The following REV3L variants were observed in gnomAD, a reference collection of about 807,000 sequenced individuals.
The protein encoded by REV3L is DNA polymerase zeta catalytic subunit.
REV3L carries 69 observed loss-of-function variants against 299.4 expected under a neutral mutation model. That is an observed-to-expected ratio of 0.23 (90% CI 0.19 to 0.28). The LOEUF is 0.28. REV3L is among the 10% of genes least tolerant of loss of function. The pLI, the probability that REV3L is intolerant of heterozygous loss-of-function variation, is 1.00. For missense variants in REV3L, 3,128 were observed against 3,693.8 expected (o/e 0.85, Z 3.97); for synonymous variants, 1,238 against 1,271.4 (o/e 0.97, Z 0.56).
At chr6:111,363,517 C>T (rs1778910031) in intron 16 of REV3L, among the ~76,000 whole-genome samples, 1 of 151,884 alleles carries the variant, frequency 6.6e-6, no homozygotes, top group African/African-American at 2.4e-5. Flanking sequence ...CCTATGTAGC[C>T]CAGGATAGTC....
At chr6:111,339,891 T>A (rs1213801801) in intron 21 of REV3L, among the ~76,000 whole-genome samples, 2 of 152,202 alleles carry the variant, frequency 1.3e-5, no homozygotes, top group South Asian at 2.1e-4. Context: ...GTTAGTTTTT[T>A]AAATTGTTGT....
intron 31 of REV3L, among the ~76,000 whole-genome samples, chr6:111,303,360 ATTTT>A (rs1771834459): frequency 7.2e-6 from 1 of 139,442 alleles, no homozygotes; most frequent in African/African-American, 2.6e-5. Context: ...AATTTTTATT[ATTTT>A]ATTTTTAATT....
Position 111,380,197 on chromosome 6 carries a change from A to G in REV3L, c.1239T>C (p.Ala413=). Residue 413 remains alanine, a synonymous_variant, in exon 11 of 32, where the codon GCT becomes GCC. Coordinates refer to ENST00000368802, the MANE Select transcript of REV3L (RefSeq NM_001372078.1). ...PVFMDSSPDE[A]LVHLLAGLES... ...CCAAACCAGCAAGAAGATGTACCAG[A>G]GCCTCATCAGGACTACTGTCCACTA... is the stretch of plus-strand genomic sequence containing the variant. 4 of 1,613,374 alleles carry G rather than the reference A, an allele frequency of 2.5e-6. No homozygotes were observed. The highest frequency in any genetic ancestry group is 3.4e-6 in the Non-Finnish European group (4 of 1,179,350).
intron 1 of REV3L, among the ~76,000 whole-genome samples, chr6:111,456,821 C>T (rs1790217848): frequency 6.6e-6 from 1 of 152,114 alleles, no homozygotes; most frequent in Non-Finnish European, 1.5e-5. Context: ...AGAAGCGTAT[C>T]TTGCTTCCCT....
intron 1 of REV3L, chr6:111,431,171 C>T: frequency 6.4e-7 from 1 of 1,561,936 alleles, no homozygotes; most frequent in Non-Finnish European, 8.8e-7. Flanking sequence ...GAGTTTTTGG[C>T]CACGTGCCAA....
intron 9 of REV3L, 38 bp downstream of exon 9, chr6:111,387,727 T>C: frequency 6.4e-7 from 1 of 1,573,910 alleles, no homozygotes; most frequent in South Asian, 1.1e-5. Context: ...TAGATATCTG[T>C]TCTAGTAGTT....
chr6:111,399,627 G>C (rs1476333798), intron 4 of REV3L, among the ~76,000 whole-genome samples: 1 of 152,120 alleles, frequency 6.6e-6, no homozygotes, highest in Non-Finnish European at 1.5e-5. Flanking sequence ...TAACCTGTAG[G>C]ACAACTCCCA....
At chr6:111,426,542 C>G (rs892230099) in intron 1 of REV3L, among the ~76,000 whole-genome samples, 8 of 152,176 alleles carry the variant, frequency 5.3e-5, no homozygotes, top group African/African-American at 1.9e-4. Flanking sequence ...TAAATAACTC[C>G]CACAAGCTTA....
chr6:111,451,297 C>T (rs1789510216), intron 1 of REV3L, among the ~76,000 whole-genome samples: 1 of 152,144 alleles, frequency 6.6e-6, no homozygotes, highest in African/African-American at 2.4e-5. Context: ...TTTTGTCACT[C>T]GCATTTATAT....
At chr6:111,408,122 C>G (rs1056891770) in intron 3 of REV3L, among the ~76,000 whole-genome samples, 1 of 152,076 alleles carries the variant, frequency 6.6e-6, no homozygotes, top group South Asian at 2.1e-4. Context: ...CAGATGGAAG[C>G]GATCCTTGAA....
chr6:111,444,511 T>G (rs1583017264), intron 1 of REV3L, among the ~76,000 whole-genome samples: 1 of 152,030 alleles, frequency 6.6e-6, no homozygotes, highest in East Asian at 1.9e-4. Flanking sequence ...TATAAAGAAC[T>G]CCTACAAATC....
intron 26 of REV3L, among the ~76,000 whole-genome samples, chr6:111,321,867 A>G (rs1774228498): frequency 6.6e-6 from 1 of 152,226 alleles, no homozygotes; most frequent in Non-Finnish European, 1.5e-5. Flanking sequence ...ACTGTAAGAA[A>G]TTTGAATAGT....
intron 1 of REV3L, among the ~76,000 whole-genome samples, chr6:111,480,665 A>C (rs1040383783): frequency 5.3e-5 from 8 of 152,080 alleles, no homozygotes; most frequent in African/African-American, 1.9e-4. Context: ...TGGCAAATTC[A>C]ATTTGATAAT....
chr6:111,482,659 G>A (rs13207440), intron 1 of REV3L, 91 bp downstream of exon 1: 3 of 794,382 alleles, frequency 3.8e-6, no homozygotes, highest in East Asian at 8.4e-5. Flanking sequence ...GACGGCCGGC[G>A]CCGGTGGCGT....
chr6:111,328,622 T>C (rs754462365), intron 25 of REV3L, among the ~76,000 whole-genome samples: 12 of 152,182 alleles, frequency 7.9e-5, no homozygotes, highest in Non-Finnish European at 1.3e-4. Context: ...AGGTATCTTA[T>C]AGAGAAAAGT....
At chr6:111,304,047 C>T in intron 31 of REV3L, among the ~76,000 whole-genome samples, 1 of 152,018 alleles carries the variant, frequency 6.6e-6, no homozygotes, top group Non-Finnish European at 1.5e-5. Flanking sequence ...TCTAGAAACA[C>T]TTAAGAAGTA....
At chr6:111,390,690 T>TA (rs1374285067) in intron 5 of REV3L, among the ~76,000 whole-genome samples, 1 of 152,186 alleles carries the variant, frequency 6.6e-6, no homozygotes, top group Non-Finnish European at 1.5e-5. Context: ...GGGAATACTT[T>TA]AAAATTCTTC....
intron 1 of REV3L, among the ~76,000 whole-genome samples, chr6:111,480,303 C>G (rs1196220298): frequency 6.6e-6 from 1 of 152,134 alleles, no homozygotes; most frequent in Non-Finnish European, 1.5e-5. Context: ...AGATATAATA[C>G]AAACCATGTT....
intron 13 of REV3L, among the ~76,000 whole-genome samples, chr6:111,371,409 G>C (rs1202488357): frequency 6.6e-6 from 1 of 151,012 alleles, no homozygotes; most frequent in Non-Finnish European, 1.5e-5. Flanking sequence ...TTTTTTTTTT[G>C]AGATAAAGTC....
Sources: allele counts gnomAD v4.1 joint callset (sites outside exome capture counted in the v4.1 genomes callset), GRCh38; gene constraint gnomAD v4.1.1; transcripts MANE v1.5; gene names NCBI Gene and HGNC (gene_info 2026-07-23, HGNC 2026-07-21).